The following SUGCT variants were observed in gnomAD, a reference collection of about 807,000 sequenced individuals.
SUGCT encodes succinyl-CoA:glutarate CoA-transferase.
SUGCT carries 41 observed loss-of-function variants against 55.0 expected under a neutral mutation model. The ratio of observed to expected loss-of-function variants is 0.74; its 90% CI spans 0.58 to 0.97. The LOEUF (loss-of-function observed/expected upper bound fraction) is 0.97, where lower values mean the gene tolerates loss of function less well. SUGCT is among the 50% of genes least tolerant of loss of function. The probability of loss-of-function intolerance (pLI) is 0.00; values close to 1 mark genes in which losing one functional copy is unlikely to be tolerated. For missense variants in SUGCT, 568 were observed against 547.8 expected (o/e 1.04, Z -0.37); for synonymous variants, 187 against 200.4 (o/e 0.93, Z 0.56).
chr7:40,668,430 G>A (rs1211954435), intron 12 of SUGCT, among the ~76,000 whole-genome samples: 1 of 151,994 alleles, frequency 6.6e-6, no homozygotes, highest in African/African-American at 2.4e-5. Flanking sequence ...TTGTCTTGGG[G>A]ATCTTTTCAT....
intron 12 of SUGCT, among the ~76,000 whole-genome samples, chr7:40,544,721 A>G (rs1039642727): frequency 1.3e-5 from 2 of 152,146 alleles, no homozygotes; most frequent in Non-Finnish European, 2.9e-5. Flanking sequence ...ACATACTGAC[A>G]TTGGTAGTAG....
rs746009032 is a variant in SUGCT, at chr7:40,180,944, C to G, written c.101-3C>G. On this transcript the variant is annotated splice_polypyrimidine_tract_variant and splice_region_variant and intron_variant, in intron 1 of 13. Coordinates refer to ENST00000335693, the MANE Select transcript of SUGCT (RefSeq NM_001193313.2). Reference sequence around the variant, plus strand: ...TCTTGAAATGTTTTCTCTGTTTTGCCAGATATGAACAATATAAAGCCATTG... The same window carrying G: ...TCTTGAAATGTTTTCTCTGTTTTGCGAGATATGAACAATATAAAGCCATTG... 1 of 1,602,142 alleles carries G rather than the reference C, an allele frequency of 6.2e-7. No individual in the cohort carries two copies. The highest frequency in any genetic ancestry group is 8.5e-7 in the Non-Finnish European group (1 of 1,170,368).
At chr7:40,980,615 G>A in the SUGCT span, among the ~76,000 whole-genome samples, 1 of 151,288 alleles carries the variant, frequency 6.6e-6, no homozygotes, top group Non-Finnish European at 1.5e-5. Flanking sequence ...GCATAGGATA[G>A]ACATTCGTAC....
At chr7:40,861,306 A>G (rs1376574289), downstream of SUGCT, among the ~76,000 whole-genome samples, 1 of 152,250 alleles carries the variant, frequency 6.6e-6, no homozygotes, top group Non-Finnish European at 1.5e-5. Context: ...ATACATCATG[A>G]CAGATAAAAG....
intron 7 of SUGCT, among the ~76,000 whole-genome samples, chr7:40,272,178 A>G (rs1342383952): frequency 1.4e-5 from 1 of 69,798 alleles, no homozygotes; most frequent in Non-Finnish European, 2.5e-5. Context: ...ATATATATAT[A>G]TATATATATA....
chr7:40,220,667 C>A (rs535061226), intron 6 of SUGCT, among the ~76,000 whole-genome samples: 10 of 152,316 alleles, frequency 6.6e-5, no homozygotes, highest in Non-Finnish European at 1.5e-4. Context: ...CTTCTTGGCA[C>A]AATTCCACAA....
Position 40,135,104 on chromosome 7 carries a change from T to C in SUGCT, c.84T>C (p.Thr28=), listed in dbSNP as rs551426354. 141 of 1,556,088 alleles carry C rather than the reference T, an allele frequency of 9.1e-5. No individual in the cohort carries two copies. In the South Asian group the frequency reaches 1.6e-3, roughly 18 times the overall value. ...GGGGCGGCGGGAGGGGGCTGTGGAC[T>C]GGCCGCCCGCAGTCAGGTACCCTCC... The part of the protein sequence containing the change: ...SGRGGGRGLW[T]GRPQSDMNNI... Residue 28 remains threonine, a synonymous_variant, in exon 1 of 14, where the codon ACT becomes ACC. Transcript: ENST00000335693.
At chr7:40,414,632 C>T (rs778913351) in intron 9 of SUGCT, among the ~76,000 whole-genome samples, 10 of 152,154 alleles carry the variant, frequency 6.6e-5, no homozygotes, top group Admixed American at 3.3e-4. Context: ...GTTGGCTGGG[C>T]GTGGTGGTTC....
At chr7:40,842,682 C>A (rs1318819354) in intron 13 of SUGCT, among the ~76,000 whole-genome samples, 1 of 152,176 alleles carries the variant, frequency 6.6e-6, no homozygotes, top group Non-Finnish European at 1.5e-5. Context: ...CCTCACAGAA[C>A]TTAAAATTGT....
intron 9 of SUGCT, among the ~76,000 whole-genome samples, chr7:40,376,541 A>AC (rs1784555572): frequency 6.6e-6 from 1 of 151,812 alleles, no homozygotes; most frequent in Non-Finnish European, 1.5e-5. Flanking sequence ...ACAGGTGTGC[A>AC]CCACCATGCC....
rs183124800 is a variant in SUGCT at position 40,149,947 on chromosome 7, G to T, written c.100+14827G>T. Reference sequence around the variant, plus strand: ...AACAAACAAAAAATTACAAAAATTAGCAGGGTGTGCTGGTGTGTCCCTGTA... The same window carrying T: ...AACAAACAAAAAATTACAAAAATTATCAGGGTGTGCTGGTGTGTCCCTGTA... On this transcript the variant is annotated intron_variant, in intron 1 of 13. Coordinates refer to ENST00000335693, the MANE Select transcript of SUGCT (RefSeq NM_001193313.2). Among the ~76,000 whole-genome samples the T allele has an allele frequency of 4.5e-3, 680 of 152,112 alleles. 7 individuals carry two copies. Among genetic ancestry groups the T allele is most frequent in the African/African-American group, 0.016 (656 of 41,494 alleles).
intron 12 of SUGCT, among the ~76,000 whole-genome samples, chr7:40,688,919 A>G (rs1584276876): frequency 6.6e-6 from 1 of 152,164 alleles, no homozygotes; most frequent in Non-Finnish European, 1.5e-5. Context: ...CAGATTCTAA[A>G]TCTTTACCCC....
At chr7:40,426,778 A>G (rs745655927) in intron 9 of SUGCT, among the ~76,000 whole-genome samples, 3 of 152,084 alleles carry the variant, frequency 2.0e-5, no homozygotes, top group Non-Finnish European at 4.4e-5. Context: ...GAATATATAT[A>G]TTTTAAGAAT....
At chr7:40,188,695 T>A in intron 4 of SUGCT, 115 bp downstream of exon 4, 1 of 588,838 alleles carries the variant, frequency 1.7e-6, no homozygotes, top group Non-Finnish European at 2.9e-6. Flanking sequence ...ATGTAACTAA[T>A]ATTTCAAATA....
chr7:40,745,298 T>C (rs1787680231), intron 12 of SUGCT, among the ~76,000 whole-genome samples: 1 of 152,210 alleles, frequency 6.6e-6, no homozygotes, highest in Admixed American at 6.5e-5. Flanking sequence ...TCACTTTCCA[T>C]AAATATTTTC....
the SUGCT span, among the ~76,000 whole-genome samples, chr7:40,941,396 T>C: frequency 6.6e-6 from 1 of 152,228 alleles, no homozygotes; most frequent in Admixed American, 6.5e-5. Context: ...AGGGTCCTTT[T>C]TGGAGTTGAT....
intron 7 of SUGCT, among the ~76,000 whole-genome samples, chr7:40,263,415 T>C (rs1791358496): frequency 6.6e-6 from 1 of 152,222 alleles, no homozygotes; most frequent in South Asian, 2.1e-4. Flanking sequence ...AATCTGAACC[T>C]GATCATGAAG....
chr7:40,249,313 C>CTATCTATATCTATATATATA (rs1324264789), intron 7 of SUGCT, among the ~76,000 whole-genome samples: 1 of 79,518 alleles, frequency 1.3e-5, no homozygotes, highest in Non-Finnish European at 2.3e-5. Flanking sequence ...CACCAAAAAG[C>CTATCTATATCTATATATATA]TATATATATA....
chr7:40,511,387 G>A (rs1322238079), intron 12 of SUGCT, among the ~76,000 whole-genome samples: 1 of 152,164 alleles, frequency 6.6e-6, no homozygotes, highest in Non-Finnish European at 1.5e-5. Context: ...TCAGACTGGA[G>A]AAGGCTGAAC....
Sources: allele counts gnomAD v4.1 joint callset (sites outside exome capture counted in the v4.1 genomes callset), GRCh38; gene constraint gnomAD v4.1.1; transcripts MANE v1.5; gene names NCBI Gene and HGNC (gene_info 2026-07-23, HGNC 2026-07-21).